Variants in TMTC2 observed in about 807,000 individuals in gnomAD.
TMTC2 encodes the protein protein O-mannosyl-transferase TMTC2.
Under a neutral mutation model 82.4 loss-of-function variants are expected in TMTC2, and 43 were observed. That is an observed-to-expected ratio of 0.52 (90% confidence interval 0.41 to 0.67). TMTC2 has a LOEUF of 0.67. TMTC2 is among the 30% of genes least tolerant of loss of function. The pLI is 0.00. For synonymous variants in TMTC2, 408 were observed against 381.9 expected, an observed-to-expected ratio of 1.07 and a Z score of -0.80; for missense variants, 919 against 1,012.4, an observed-to-expected ratio of 0.91 and a Z score of 1.25.
intron 1 of TMTC2, among the ~76,000 whole-genome samples, chr12:82,808,428 T>C (rs955035220): frequency 2.6e-5 from 4 of 152,112 alleles, no homozygotes; most frequent in African/African-American, 9.7e-5. Context: ...TTTGTAATTT[T>C]AAATGTTCTT....
intron 3 of TMTC2, among the ~76,000 whole-genome samples, chr12:82,904,798 G>A (rs1457839246): frequency 1.3e-5 from 2 of 152,004 alleles, no homozygotes; most frequent in Non-Finnish European, 2.9e-5. Flanking sequence ...CCTTTTTGCT[G>A]TGGCCTCCTC....
intron 10 of TMTC2, among the ~76,000 whole-genome samples, chr12:83,055,322 A>G (rs78405368): frequency 0.059 from 8,952 of 152,102 alleles, 312 homozygotes; most frequent in Middle Eastern, 0.082. Flanking sequence ...TTGTATTCAT[A>G]GGGAAGATGA....
chr12:82,990,425 C>T (rs1592678437), intron 8 of TMTC2, among the ~76,000 whole-genome samples: 1 of 152,158 alleles, frequency 6.6e-6, no homozygotes, highest in East Asian at 1.9e-4. Flanking sequence ...TTAAGGTTTC[C>T]CAGAATGCTT....
At chr12:82,955,657 A>C (rs530363649) in intron 4 of TMTC2, among the ~76,000 whole-genome samples, 1 of 152,200 alleles carries the variant, frequency 6.6e-6, no homozygotes, top group East Asian at 1.9e-4. Flanking sequence ...ATGATTTTCT[A>C]GAATTTAGGT....
intron 2 of TMTC2, among the ~76,000 whole-genome samples, chr12:82,876,097 A>G (rs1444583254): frequency 3.5e-5 from 4 of 113,290 alleles, no homozygotes; most frequent in African/African-American, 8.0e-5. Context: ...AGTATTCATA[A>G]TGGTGGTGGT....
chr12:83,064,418 CT>C (rs921119782), intron 11 of TMTC2, among the ~76,000 whole-genome samples: 2 of 151,926 alleles, frequency 1.3e-5, no homozygotes, highest in African/African-American at 4.8e-5. Flanking sequence ...TCAAATGATA[CT>C]TTCCTTATCT....
chr12:82,757,865 G>A (rs1876422711), intron 1 of TMTC2, among the ~76,000 whole-genome samples: 1 of 152,132 alleles, frequency 6.6e-6, no homozygotes, highest in Non-Finnish European at 1.5e-5. Flanking sequence ...TAGGCAAATT[G>A]GTATGGCAGG....
Position 82,735,000 on chromosome 12 carries a change from A to G in TMTC2, c.83+47331A>G, listed in dbSNP as rs566079594. 9.8e-5 allele frequency among the ~76,000 whole-genome samples: 15 copies of G among 152,334 alleles called. 1 individual carries two copies. The South Asian group carries it at 3.1e-3, about 32-fold the overall frequency. ...AGAGCCCACGTGGTATATTGGGAAC[A>G]GTCTGAGATTCATTGCAGGTTAATT... On this transcript the variant is annotated intron_variant, in intron 1 of 11. Transcript: ENST00000321196.
chr12:82,994,137 G>T (rs375522142), intron 8 of TMTC2, among the ~76,000 whole-genome samples: 110 of 152,122 alleles, frequency 7.2e-4, no homozygotes, highest in African/African-American at 2.6e-3. Context: ...CTCCCCAGGG[G>T]TCCACACATT....
intron 1 of TMTC2, among the ~76,000 whole-genome samples, chr12:82,747,321 T>C (rs1048026570): frequency 3.3e-5 from 5 of 152,198 alleles, no homozygotes; most frequent in African/African-American, 4.8e-5. Context: ...CATGAGAAAA[T>C]AGAAGTTCAG....
chr12:82,871,719 G>GTGTT (rs952847403), intron 2 of TMTC2, among the ~76,000 whole-genome samples: 3 of 148,798 alleles, frequency 2.0e-5, no homozygotes, highest in African/African-American at 7.6e-5. Flanking sequence ...GTGTGTGTGT[G>GTGTT]TTTTAAGACC....
At chr12:83,122,022 G>A (rs1021707261) in intron 11 of TMTC2, among the ~76,000 whole-genome samples, 1 of 152,236 alleles carries the variant, frequency 6.6e-6, no homozygotes, top group East Asian at 1.9e-4. Context: ...ACAGCACCGA[G>A]TCTGTTTCCA....
At position 83,127,036 on chromosome 12, in the gene TMTC2, A is replaced by C. The variant is rs146601479; in HGVS notation, c.2332-5174A>C. Among the ~76,000 whole-genome samples the C allele has an allele frequency of 2.1e-4, 32 of 152,258 alleles. 1 individual carries two copies. The highest frequency in any genetic ancestry group is 2.0e-3 in the Admixed American group (31 of 15,272). On this transcript the variant is annotated intron_variant, in intron 11 of 11. Coordinates refer to ENST00000321196, the MANE Select transcript of TMTC2 (RefSeq NM_152588.3). ...AGCAATTTCAACTGAATACAGTTGA[A>C]TGCCAGTATGCAGCCTTCCTTAAGT...
At chr12:82,809,159 A>G (rs1462353312) in intron 1 of TMTC2, among the ~76,000 whole-genome samples, 2 of 151,636 alleles carry the variant, frequency 1.3e-5, no homozygotes, top group Non-Finnish European at 2.9e-5. Flanking sequence ...AACAAAGGAT[A>G]TTACCGCTAA....
chr12:83,055,886 T>TATCTTATA (rs750404329), intron 10 of TMTC2, among the ~76,000 whole-genome samples: 25 of 152,036 alleles, frequency 1.6e-4, no homozygotes, highest in Non-Finnish European at 3.2e-4. Flanking sequence ...TAAATCTTCC[T>TATCTTATA]ATCTTATAGA....
At position 82,687,122 on chromosome 12, in the gene TMTC2, C is replaced by A; in HGVS notation, c.-465C>A. On this transcript the variant is annotated 5_prime_UTR_variant, in exon 1 of 12. Transcript: ENST00000321196. ...GGCGGTTCGCCTTGTCCCTCCCACC[C>A]GCGCCTCTTTCTCTCTCTTCCTCCA... 1 of 166,346 alleles carries A rather than the reference C, an allele frequency of 6.0e-6. No homozygotes were observed. 10.3% of individuals were successfully genotyped at this position (166,346 alleles called of 1,614,324 possible).
intron 2 of TMTC2, among the ~76,000 whole-genome samples, chr12:82,861,494 T>C (rs2137121656): frequency 6.6e-6 from 1 of 152,378 alleles, no homozygotes; most frequent in Admixed American, 6.5e-5. Flanking sequence ...GTCATCAGAC[T>C]TTTGCAGTTT....
At chr12:82,959,342 C>T (rs894133623) in intron 4 of TMTC2, among the ~76,000 whole-genome samples, 2 of 152,016 alleles carry the variant, frequency 1.3e-5, no homozygotes, top group African/African-American at 2.4e-5. Context: ...ATATATGGAA[C>T]CAGAAAAGAG....
At chr12:82,786,979 C>A (rs899202051) in intron 1 of TMTC2, among the ~76,000 whole-genome samples, 2 of 152,112 alleles carry the variant, frequency 1.3e-5, no homozygotes, top group African/African-American at 4.8e-5. Flanking sequence ...TTATAGGAGC[C>A]TATATAACCA....
Sources: gnomAD v4.1 joint callset for allele counts (sites outside exome capture counted in the v4.1 genomes callset) on GRCh38, gnomAD v4.1.1 for gene constraint, MANE v1.5 for transcripts, NCBI Gene and HGNC (gene_info 2026-07-23, HGNC 2026-07-21) for gene names.